The following FMNL2 variants were observed in gnomAD, a reference collection of about 807,000 sequenced individuals.
The protein encoded by FMNL2 is formin like 2.
FMNL2 carries 51 observed loss-of-function variants against 130.2 expected under a neutral mutation model. The ratio of observed to expected loss-of-function variants is 0.39; its 90% CI spans 0.31 to 0.49. FMNL2 has a LOEUF of 0.49. Among genes scored for constraint, FMNL2 ranks in the 20% least tolerant of loss-of-function variants. The pLI is 0.85. For missense variants in FMNL2, 977 were observed against 1,316.2 expected (o/e 0.74, Z 3.99); for synonymous variants, 465 against 467.1 (o/e 1.00, Z 0.06).
intron 1 of FMNL2, among the ~76,000 whole-genome samples, chr2:152,427,163 G>A (rs1018331053): frequency 1.3e-5 from 2 of 152,208 alleles, no homozygotes; most frequent in African/African-American, 4.8e-5. Context: ...ATGAAAATCA[G>A]TGCTAGTAAC....
At chr2:152,445,203 G>A (rs1194498766) in intron 1 of FMNL2, among the ~76,000 whole-genome samples, 1 of 152,218 alleles carries the variant, frequency 6.6e-6, no homozygotes, top group East Asian at 1.9e-4. Flanking sequence ...TGTGGCTAAC[G>A]TGGGCAACAG....
At chr2:152,384,936 A>G (rs1352242492) in intron 1 of FMNL2, among the ~76,000 whole-genome samples, 1 of 152,258 alleles carries the variant, frequency 6.6e-6, no homozygotes, top group African/African-American at 2.4e-5. Flanking sequence ...CAACTAACCT[A>G]GTAAACTAAC....
intron 1 of FMNL2, among the ~76,000 whole-genome samples, chr2:152,520,849 G>A (rs1693051741): frequency 6.6e-6 from 1 of 152,074 alleles, no homozygotes; most frequent in Non-Finnish European, 1.5e-5. Context: ...CCATGACCAG[G>A]GGAATTGTTT....
intron 1 of FMNL2, among the ~76,000 whole-genome samples, chr2:152,514,059 A>G (rs532371325): frequency 1.6e-4 from 24 of 152,284 alleles, no homozygotes; most frequent in Non-Finnish European, 2.2e-4. Flanking sequence ...ATTGATGGGC[A>G]GGCCATGTGC....
At chr2:152,512,080 T>C (rs1692522785) in intron 1 of FMNL2, among the ~76,000 whole-genome samples, 1 of 152,204 alleles carries the variant, frequency 6.6e-6, no homozygotes, top group South Asian at 2.1e-4. Context: ...TGTCTAATCA[T>C]TGCCCATGAA....
At chr2:152,596,278 C>T (rs562596939) in intron 9 of FMNL2, among the ~76,000 whole-genome samples, 1 of 152,066 alleles carries the variant, frequency 6.6e-6, no homozygotes, top group South Asian at 2.1e-4. Context: ...TTTTTTCTAC[C>T]TTGGAAAATG....
chr2:152,412,699 T>C (rs1249390628), intron 1 of FMNL2, among the ~76,000 whole-genome samples: 1 of 151,274 alleles, frequency 6.6e-6, no homozygotes, highest in African/African-American at 2.4e-5. Context: ...TCCCAGCTAC[T>C]TGGGAGGCTG....
chr2:152,464,658 G>T (rs1689428371), intron 1 of FMNL2, among the ~76,000 whole-genome samples: 1 of 152,202 alleles, frequency 6.6e-6, no homozygotes, highest in African/African-American at 2.4e-5. Flanking sequence ...TGTAAAATGA[G>T]TTAGCACAAA....
intron 15 of FMNL2, among the ~76,000 whole-genome samples, chr2:152,624,444 G>A (rs1193342518): frequency 1.3e-5 from 2 of 151,618 alleles, no homozygotes; most frequent in East Asian, 2.0e-4. Context: ...GAGCCACCAC[G>A]CCCAGCAATT....
intron 9 of FMNL2, among the ~76,000 whole-genome samples, chr2:152,601,919 C>T (rs182656835): frequency 6.6e-6 from 1 of 152,224 alleles, no homozygotes; most frequent in East Asian, 1.9e-4. Flanking sequence ...ATCCACCTGT[C>T]TCGGCCTCCC....
chr2:152,477,472 T>C (rs1274393073), intron 1 of FMNL2, among the ~76,000 whole-genome samples: 1 of 152,184 alleles, frequency 6.6e-6, no homozygotes, highest in Non-Finnish European at 1.5e-5. Flanking sequence ...TTTACCCCCA[T>C]CCCAAACTTG....
At chr2:152,342,105 T>G (rs1387551190) in intron 1 of FMNL2, among the ~76,000 whole-genome samples, 2 of 152,244 alleles carry the variant, frequency 1.3e-5, no homozygotes, top group East Asian at 1.9e-4. Flanking sequence ...GGCTGATGTT[T>G]GTTCTGGAAA....
intron 1 of FMNL2, among the ~76,000 whole-genome samples, chr2:152,452,017 G>A (rs937736685): frequency 3.3e-5 from 5 of 152,148 alleles, no homozygotes; most frequent in Admixed American, 1.3e-4. Context: ...CCATTGATTT[G>A]TATGCCCATT....
At chr2:152,381,567 G>A (rs1238394237) in intron 1 of FMNL2, among the ~76,000 whole-genome samples, 3 of 152,198 alleles carry the variant, frequency 2.0e-5, no homozygotes, top group Admixed American at 1.3e-4. Flanking sequence ...TTTCCGCTCT[G>A]TGTGGGGTCA....
intron 1 of FMNL2, among the ~76,000 whole-genome samples, chr2:152,461,537 A>G (rs773742288): frequency 3.3e-5 from 5 of 152,190 alleles, no homozygotes; most frequent in Non-Finnish European, 5.9e-5. Flanking sequence ...AAGTTTTTCA[A>G]TAACTGAGTC....
At chr2:152,438,261 C>T (rs1261460357) in intron 1 of FMNL2, among the ~76,000 whole-genome samples, 1 of 152,190 alleles carries the variant, frequency 6.6e-6, no homozygotes, top group African/African-American at 2.4e-5. Context: ...TATTTACTCA[C>T]TGTTTTTCTA....
chr2:152,598,055 T>G (rs1367708387), intron 9 of FMNL2, among the ~76,000 whole-genome samples: 1 of 152,218 alleles, frequency 6.6e-6, no homozygotes, highest in Non-Finnish European at 1.5e-5. Flanking sequence ...CACCATGCAC[T>G]GATTAGATTT....
intron 25 of FMNL2, among the ~76,000 whole-genome samples, chr2:152,645,973 T>C (rs1168639573): frequency 6.6e-6 from 1 of 152,144 alleles, no homozygotes; most frequent in Non-Finnish European, 1.5e-5. Context: ...CAGTGTGGGC[T>C]AGGAAGCAGA....
chr2:152,589,817 A>G (rs1253461547), intron 9 of FMNL2, among the ~76,000 whole-genome samples: 1 of 151,324 alleles, frequency 6.6e-6, no homozygotes, highest in Non-Finnish European at 1.5e-5. Flanking sequence ...TCCTGTGTAA[A>G]GGAGCTGCTT....
Sources: allele counts gnomAD v4.1 joint callset (sites outside exome capture counted in the v4.1 genomes callset), GRCh38; gene constraint gnomAD v4.1.1; transcripts MANE v1.5; gene names NCBI Gene and HGNC (gene_info 2026-07-23, HGNC 2026-07-21).